The following CNIH3 variants were observed in gnomAD, a reference collection of about 807,000 sequenced individuals.
CNIH3 encodes cornichon family AMPA receptor auxiliary protein 3.
Under a neutral mutation model 24.1 loss-of-function variants are expected in CNIH3, and 14 were observed. The observed-to-expected ratio is 0.58, with a 90% CI of 0.38 to 0.91. The LOEUF is 0.91. Ranked by LOEUF, CNIH3 falls within the 40% of genes least tolerant of loss-of-function variation. The pLI is 0.00. For synonymous variants in CNIH3, 68 were observed against 73.8 expected, an observed-to-expected ratio of 0.92 and a Z score of 0.40; for missense variants, 178 against 196.8, an observed-to-expected ratio of 0.90 and a Z score of 0.57.
chr1:224,572,883 G>A (rs1680881895), intron 4 of CNIH3, among the ~76,000 whole-genome samples: 1 of 152,116 alleles, frequency 6.6e-6, no homozygotes, highest in African/African-American at 2.4e-5. Context: ...TGTTGAGACA[G>A]GGTCTTGCTC....
downstream of CNIH3, among the ~76,000 whole-genome samples, chr1:224,541,567 A>G (rs1465691384): frequency 6.6e-6 from 1 of 152,246 alleles, no homozygotes; most frequent in Admixed American, 6.5e-5. Flanking sequence ...TGAGTCAGCA[A>G]AAATGCATGA....
At chr1:224,574,741 A>G in intron 4 of CNIH3, 1 of 1,196,748 alleles carries the variant, frequency 8.4e-7, no homozygotes, top group Non-Finnish European at 1.2e-6. Context: ...CTGAAGCTGG[A>G]CTACCTGGAC....
At chr1:224,511,515 A>G (rs772397538), upstream of CNIH3, among the ~76,000 whole-genome samples, 1 of 152,152 alleles carries the variant, frequency 6.6e-6, no homozygotes, top group Non-Finnish European at 1.5e-5. Flanking sequence ...TCCTTGGAGG[A>G]TACTTATTTC....
At chr1:224,507,732 A>G (rs1489771782) in intron 1 of CNIH3, among the ~76,000 whole-genome samples, 2 of 152,234 alleles carry the variant, frequency 1.3e-5, no homozygotes, top group African/African-American at 4.8e-5. Flanking sequence ...CAGAAACCCC[A>G]TAGACTTACC....
At chr1:224,494,049 T>C (rs1239984648) in intron 1 of CNIH3, among the ~76,000 whole-genome samples, 1 of 152,198 alleles carries the variant, frequency 6.6e-6, no homozygotes, top group East Asian at 1.9e-4. Context: ...GCAAAATCAG[T>C]AATAATGTCT....
In CNIH3 at chr1:224,637,820, T is replaced by C. The variant is rs571316079; in HGVS notation, c.81+20565T>C. ...GCCTCTTGAGGCCCTTTCTATCCTCTCAGTGATCCCTTGGCCAGTCAACAT... is the reference window on the plus strand; with the variant it reads ...GCCTCTTGAGGCCCTTTCTATCCTCCCAGTGATCCCTTGGCCAGTCAACAT... On this transcript the variant is annotated intron_variant, in intron 1 of 5. Coordinates refer to ENST00000272133, the MANE Select transcript of CNIH3 (RefSeq NM_152495.2). Among the ~76,000 whole-genome samples the C allele has an allele frequency of 2.1e-3, 315 of 152,246 alleles. 1 individual carries two copies. Among genetic ancestry groups the C allele is most frequent in the African/African-American group, 7.1e-3 (293 of 41,538 alleles).
At chr1:224,565,818 A>C (rs1680557998) in intron 3 of CNIH3, 1 of 152,192 alleles carries the variant, frequency 6.6e-6, no homozygotes, top group Admixed American at 6.6e-5. Context: ...TACATTCTCC[A>C]TGAGGTAGGG....
chr1:224,624,376 C>T (rs1683418580), intron 1 of CNIH3, among the ~76,000 whole-genome samples: 1 of 152,178 alleles, frequency 6.6e-6, no homozygotes, highest in Non-Finnish European at 1.5e-5. Flanking sequence ...TTCCTGGCCT[C>T]CCAGACCTGT....
At chr1:224,564,422 GCT>G (rs1272451783) in intron 3 of CNIH3, among the ~76,000 whole-genome samples, 1 of 152,212 alleles carries the variant, frequency 6.6e-6, no homozygotes, top group Non-Finnish European at 1.5e-5. Flanking sequence ...GACAGAAGAG[GCT>G]AAGGCCATCC....
At chr1:224,543,067 G>T (rs1679572103) in intron 2 of CNIH3, among the ~76,000 whole-genome samples, 1 of 152,340 alleles carries the variant, frequency 6.6e-6, no homozygotes, top group Admixed American at 6.5e-5. Context: ...GAAGGTTGGA[G>T]CTTTGAGCTA....
chr1:224,709,160 T>TCTCCCCTAAGTGTGGGCC (rs1213605665), intron 3 of CNIH3, among the ~76,000 whole-genome samples: 5 of 149,486 alleles, frequency 3.3e-5, no homozygotes, highest in Non-Finnish European at 7.6e-5. Flanking sequence ...AAGTGTGGGC[T>TCTCCCCTAAGTGTGGGCC]CTCCCCTAAG....
chr1:224,687,797 A>G (rs189787027), intron 3 of CNIH3, among the ~76,000 whole-genome samples: 1 of 152,342 alleles, frequency 6.6e-6, no homozygotes, highest in Non-Finnish European at 1.5e-5. Flanking sequence ...CAGCCAAACA[A>G]GGCACGAGGG....
intron 1 of CNIH3, among the ~76,000 whole-genome samples, chr1:224,449,502 A>AT (rs1173567055): frequency 2.6e-5 from 4 of 151,306 alleles, no homozygotes; most frequent in Non-Finnish European, 5.9e-5. Flanking sequence ...AATTACTATT[A>AT]TTTTTTTCCA....
intron 3 of CNIH3, among the ~76,000 whole-genome samples, chr1:224,605,261 AC>A (rs1439442060): frequency 1.3e-5 from 2 of 152,060 alleles, no homozygotes; most frequent in African/African-American, 4.8e-5. Flanking sequence ...TTCACCAGGG[AC>A]CCACCCCTAT....
At chr1:224,672,787 G>T (rs1341389696) in intron 1 of CNIH3, among the ~76,000 whole-genome samples, 2 of 152,220 alleles carry the variant, frequency 1.3e-5, no homozygotes, top group Non-Finnish European at 2.9e-5. Flanking sequence ...GAGAAATCAA[G>T]AGAGAAAGGT....
At chr1:224,709,776 GTTCAGGGTTCTCTCTTCC>G (rs1558319971) in intron 3 of CNIH3, among the ~76,000 whole-genome samples, 1 of 152,154 alleles carries the variant, frequency 6.6e-6, no homozygotes, top group Non-Finnish European at 1.5e-5. Context: ...GAAGAGAAGG[GTTCAGGGTTCTCTCTTCC>G]TTCAACCTGC....
downstream of CNIH3, among the ~76,000 whole-genome samples, chr1:224,592,857 T>C (rs1469898912): frequency 6.6e-6 from 1 of 152,172 alleles, no homozygotes; most frequent in Non-Finnish European, 1.5e-5. Context: ...AAATAGATGA[T>C]ACATCTCCAG....
Position 224,676,306 on chromosome 1 carries a change from G to T in CNIH3, c.82-4652G>T, listed in dbSNP as rs193291005. 8.5e-5 allele frequency among the ~76,000 whole-genome samples: 13 copies of T among 152,300 alleles called. No homozygotes were observed. The East Asian group carries it at 2.3e-3, about 27-fold the overall frequency. ...TGACTTTCTGGAGAAGGCAAAACTA[G>T]AGGGATGGAGAACAGATTAGTGGTT... On this transcript the variant is annotated intron_variant, in intron 1 of 5. Coordinates refer to ENST00000272133, the MANE Select transcript of CNIH3 (RefSeq NM_152495.2).
At chr1:224,686,157 T>A (rs1405151070) in intron 3 of CNIH3, among the ~76,000 whole-genome samples, 62 of 84,718 alleles carry the variant, frequency 7.3e-4, no homozygotes, top group African/African-American at 2.8e-3. Context: ...CCCTCCCCCC[T>A]CCCCCCACCC....
Sources: gnomAD v4.1 joint callset for allele counts (sites outside exome capture counted in the v4.1 genomes callset) on GRCh38, gnomAD v4.1.1 for gene constraint, MANE v1.5 for transcripts, NCBI Gene and HGNC (gene_info 2026-07-23, HGNC 2026-07-21) for gene names.